Variants in POLK observed in about 807,000 individuals in gnomAD.
POLK encodes the protein polymerase (DNA directed) kappa.
A neutral mutation model predicts 94.0 loss-of-function variants in POLK; 76 were observed. That is an observed-to-expected ratio of 0.81 (90% CI 0.67 to 0.98). The LOEUF (loss-of-function observed/expected upper bound fraction) is 0.98, where lower values mean the gene tolerates loss of function less well. Among genes scored for constraint, POLK ranks in the 50% least tolerant of loss-of-function variants. The pLI is 0.00. For missense variants in POLK, 954 were observed against 1,010.1 expected, an observed-to-expected ratio of 0.94 and a Z score of 0.75; for synonymous variants, 349 against 325.4, an observed-to-expected ratio of 1.07 and a Z score of -0.78.
intron 1 of POLK, among the ~76,000 whole-genome samples, chr5:75,523,063 G>A (rs1324093180): frequency 1.3e-5 from 2 of 152,050 alleles, no homozygotes; most frequent in Non-Finnish European, 2.9e-5. Flanking sequence ...CTGTCTCAGG[G>A]TTAGCTGTTG....
intron 12 of POLK, 83 bp downstream of exon 12, chr5:75,594,132 C>A: frequency 2.3e-6 from 2 of 885,878 alleles, no homozygotes; most frequent in Non-Finnish European, 3.5e-6. Flanking sequence ...AGGGGGCCCC[C>A]AACTTAACAA....
intron 6 of POLK, among the ~76,000 whole-genome samples, chr5:75,579,971 T>TAAAA (rs760963756): frequency 8.8e-4 from 111 of 125,440 alleles, no homozygotes; most frequent in Middle Eastern, 4.2e-3. Flanking sequence ...GACCCTGTCT[T>TAAAA]AAAAAAAAAA....
At chr5:75,594,284 A>G (rs532510835) in intron 12 of POLK, among the ~76,000 whole-genome samples, 4 of 152,320 alleles carry the variant, frequency 2.6e-5, no homozygotes, top group African/African-American at 4.8e-5. Context: ...TATGTTTTCA[A>G]TTTACAGCGG....
At chr5:75,545,739 G>A (rs185818612) in intron 1 of POLK, among the ~76,000 whole-genome samples, 3 of 152,000 alleles carry the variant, frequency 2.0e-5, no homozygotes, top group East Asian at 3.9e-4. Context: ...TGAACTTAAC[G>A]TGTATAGTAG....
At chr5:75,532,323 C>T (rs1483243197) in intron 1 of POLK, among the ~76,000 whole-genome samples, 1 of 152,144 alleles carries the variant, frequency 6.6e-6, no homozygotes, top group Non-Finnish European at 1.5e-5. Context: ...TAAATGAGAA[C>T]ATGCAGTGTT....
chr5:75,609,013 GAAAT>G, the POLK span: 1 of 152,184 alleles, frequency 6.6e-6, no homozygotes, highest in African/African-American at 2.4e-5. Context: ...AGCTGTCAGG[GAAAT>G]AAAGTCCAGC....
At position 75,593,934 on chromosome 5, in the gene POLK, A is replaced by G. The variant is rs143797475; in HGVS notation, c.1413A>G (p.Ala471=). The G allele has an allele frequency of 1.7e-5, 28 of 1,607,762 alleles. No homozygotes were observed. In the African/African-American group the frequency reaches 3.3e-4, roughly 19 times the overall value. The change falls in exon 12 of 15, where the codon GCA becomes GCG. Residue 471 remains alanine (A), a synonymous_variant. Coordinates refer to ENST00000241436, the Ensembl canonical transcript of POLK. The stretch of plus-strand genomic sequence containing the variant: ...TGAATTTTGAAGTAAAAACTCGTGC[A>G]TCTACAGTTTCATCTGTTGTTTCTA...
intron 3 of POLK, among the ~76,000 whole-genome samples, chr5:75,557,619 T>C (rs576454302): frequency 6.6e-6 from 1 of 152,342 alleles, no homozygotes; most frequent in South Asian, 2.1e-4. Context: ...CCTCATAAAG[T>C]TGAAAAATCT....
At chr5:75,580,937 G>A (rs1228492897) in intron 6 of POLK, among the ~76,000 whole-genome samples, 6 of 149,852 alleles carry the variant, frequency 4.0e-5, no homozygotes, top group African/African-American at 1.5e-4. Flanking sequence ...ATTTAGGTAC[G>A]AACATTAGTG....
chr5:75,598,550 G>A (rs1056523221), exon 15 of POLK: 4 of 152,430 alleles, frequency 2.6e-5, no homozygotes, highest in Non-Finnish European at 5.9e-5. Context: ...AATGGTTTTT[G>A]CCTAAAATAT....
chr5:75,569,043 T>C (rs1471302397), intron 3 of POLK, among the ~76,000 whole-genome samples: 1 of 152,168 alleles, frequency 6.6e-6, no homozygotes, highest in Admixed American at 6.5e-5. Flanking sequence ...TATTTGAGGA[T>C]AGGCTGTCTC....
intron 12 of POLK, 23 bp from the exon 13 acceptor site, chr5:75,596,199 T>C: frequency 7.5e-7 from 1 of 1,326,474 alleles, no homozygotes; most frequent in Non-Finnish European, 1.1e-6. Context: ...AATTTGAAAT[T>C]GATTGTGATT....
intron 1 of POLK, among the ~76,000 whole-genome samples, chr5:75,528,528 G>A (rs1768979853): frequency 6.6e-6 from 1 of 152,056 alleles, no homozygotes; most frequent in Non-Finnish European, 1.5e-5. Flanking sequence ...AAATTAGAGT[G>A]TGGTGGAGCA....
chr5:75,530,945 A>G (rs1769149185), intron 1 of POLK, among the ~76,000 whole-genome samples: 1 of 151,352 alleles, frequency 6.6e-6, no homozygotes, highest in African/African-American at 2.4e-5. Context: ...AGCTGGGACT[A>G]CAGGTGCCTG....
At chr5:75,542,051 A>C (rs1209274130) in intron 1 of POLK, among the ~76,000 whole-genome samples, 1 of 152,232 alleles carries the variant, frequency 6.6e-6, no homozygotes, top group African/African-American at 2.4e-5. Flanking sequence ...AATTCAATTC[A>C]TTGTATTTAA....
At chr5:75,583,616 A>C (rs1196104952) in intron 8 of POLK, among the ~76,000 whole-genome samples, 199 bp downstream of exon 8, 1 of 152,210 alleles carries the variant, frequency 6.6e-6, no homozygotes, top group Non-Finnish European at 1.5e-5. Context: ...TATTTGCTAT[A>C]AACTTTTAAG....
chr5:75,526,743 G>A (rs1351196968), intron 1 of POLK, among the ~76,000 whole-genome samples: 5 of 151,800 alleles, frequency 3.3e-5, no homozygotes, highest in African/African-American at 7.2e-5. Context: ...CACCACAACC[G>A]GCTAATTTTT....
chr5:75,581,572 C>A, intron 7 of POLK, 124 bp downstream of exon 7: 1 of 769,518 alleles, frequency 1.3e-6, no homozygotes, highest in Non-Finnish European at 2.1e-6. Flanking sequence ...GTCTTTCATT[C>A]AACTTCTAAC....
intron 10 of POLK, among the ~76,000 whole-genome samples, chr5:75,588,554 T>G (rs1772590626): frequency 6.6e-6 from 1 of 152,192 alleles, no homozygotes; most frequent in South Asian, 2.1e-4. Flanking sequence ...GGCAAGACTG[T>G]AGGAGTGAAA....
Sources: allele counts gnomAD v4.1 joint callset (sites outside exome capture counted in the v4.1 genomes callset), GRCh38; gene constraint gnomAD v4.1.1; transcripts MANE v1.5; gene names NCBI Gene and HGNC (gene_info 2026-07-23, HGNC 2026-07-21).